The following NKX3-2 variants were observed in gnomAD, a reference collection of about 807,000 sequenced individuals.
NKX3-2 encodes NK3 homeobox 2.
In NKX3-2, 13 loss-of-function variants were observed where a neutral mutation model predicts 19.4. That is an observed-to-expected ratio of 0.67 (90% confidence interval 0.44 to 1.07). The LOEUF (loss-of-function observed/expected upper bound fraction) is 1.07. Ranked by LOEUF, NKX3-2 falls within the 50% of genes least tolerant of loss-of-function variation. The pLI, the probability that NKX3-2 is intolerant of heterozygous loss-of-function variation, is 0.00. For missense variants in NKX3-2, 562 were observed against 488.2 expected (o/e 1.15, Z -1.42); for synonymous variants, 269 against 230.5 (o/e 1.17, Z -1.51).
rs1252500949 is a variant in NKX3-2, at chr4:13,543,188, C to G, written c.467-660G>C. The stretch of plus-strand genomic sequence containing the variant: ...TGATCCCACACCAGCTTCTCGGTCT[C>G]GTACCCGCCCTTCCGAAGAACTCCA... On this transcript the variant is annotated intron_variant, in intron 1 of 1. Transcript: ENST00000382438. The surrounding 1 kb of genome is among the most constrained non-coding windows in gnomAD (Gnocchi z 7.1). Among the ~76,000 whole-genome samples the G allele has an allele frequency of 2.0e-5, 3 of 152,030 alleles. No homozygotes were observed. Among genetic ancestry groups the G allele is most frequent in the Non-Finnish European group, 2.9e-5 (2 of 68,020 alleles).
rs1333022505 is a variant in NKX3-2 at position 13,542,105 on chromosome 4, T to C, written c.890A>G (p.Glu297Gly). ...RDDQRQYLPGEVLRPPSLLPL... is the reference protein window; with the variant it reads ...RDDQRQYLPGGVLRPPSLLPL... ...CAGAAGCGAGGGTGGCCGCAGCACT[T>C]CGCCGGGCAGGTATTGTCTCTGGTC... The change falls in exon 2 of 2, where the codon GAA (glutamate) becomes GGA (glycine). Residue 297 changes from glutamate (E) to glycine (G), a missense_variant. Physicochemically the swap from Glu to Gly is moderately conservative, Grantham distance 98 (BLOSUM62 -2). Transcript: ENST00000382438. This position sits in a 1 kb window ranked among gnomAD's most constrained non-coding sequence, Gnocchi z 6.4. The C allele has an allele frequency of 1.9e-6, 3 of 1,607,612 alleles. No individual in the cohort carries two copies. The highest frequency in any genetic ancestry group is 1.7e-5 in the Admixed American group (1 of 59,756).
At chr4:13,547,015 T>C (rs1225743701), upstream of NKX3-2, 1 of 456,176 alleles carries the variant, frequency 2.2e-6, no homozygotes, top group African/African-American at 2.0e-5. Flanking sequence ...TTACGGCGCT[T>C]AGTCGATCAT....
Position 13,544,151 on chromosome 4 carries a change from C to T in NKX3-2, c.264G>A (p.Pro88=). Reference sequence around the variant, plus strand: ...GCGCGGAGTCCGAGTCCCAGCCTTCCGGGCTCTCCGCAGTCCGCCCCGCAG... The same window carrying T: ...GCGCGGAGTCCGAGTCCCAGCCTTCTGGGCTCTCCGCAGTCCGCCCCGCAG... ...RTAAGRTAES[P]EGWDSDSALS... The change falls in exon 1 of 2, where the codon CCG becomes CCA. Residue 88 remains proline, a synonymous_variant. Transcript: ENST00000382438. The T allele has an allele frequency of 6.2e-7, 1 of 1,605,638 alleles. No individual in the cohort carries two copies. The highest frequency in any genetic ancestry group is 2.2e-5 in the East Asian group (1 of 44,582).
At chr4:13,546,509 G>C (rs558716206), upstream of NKX3-2, 9 of 203,084 alleles carry the variant, frequency 4.4e-5, no homozygotes, top group South Asian at 7.6e-4. Context: ...TTAAATTACC[G>C]TTCTCCTCAC....
At position 13,542,298 on chromosome 4, in the gene NKX3-2, C is replaced by T. The variant is rs776987125; in HGVS notation, c.697G>A (p.Gly233Arg). Residue 233 changes from glycine to arginine, a missense_variant, in exon 2 of 2, where the codon GGG becomes AGG. By Grantham distance (125) the Gly-to-Arg change is moderately radical. Transcript: ENST00000382438. This position sits in a 1 kb window ranked among gnomAD's most constrained non-coding sequence, Gnocchi z 6.4. Reference protein sequence around the residue: ...RRFNHQRYLSGPERADLAASL... With the variant: ...RRFNHQRYLSRPERADLAASL... ...GCGGCCAGGTCTGCGCGCTCGGGCC[C>T]GGACAGGTAGCGCTGGTGGTTAAAG... 6 of 1,606,860 alleles carry T rather than the reference C, an allele frequency of 3.7e-6. No homozygotes were observed. Among genetic ancestry groups the T allele is most frequent in the Non-Finnish European group, 5.1e-6 (6 of 1,177,748 alleles).
In NKX3-2 at chr4:13,542,030, G is replaced by A. The variant is rs1439794000; in HGVS notation, c.965C>T (p.Ala322Val). The change falls in exon 2 of 2, where the codon GCG (alanine) becomes GTG (valine). Residue 322 changes from alanine (A) to valine (V), a missense_variant. Coordinates refer to ENST00000382438, the MANE Select transcript of NKX3-2 (RefSeq NM_001189.4). This position sits in a 1 kb window ranked among gnomAD's most constrained non-coding sequence, Gnocchi z 6.4. Reference sequence around the variant, plus strand: ...TGCGGCAGCTGCGCAGGTGGAGAGCGCCCAGCCTGGGAGGCAGTAGTACGG... The same window carrying A: ...TGCGGCAGCTGCGCAGGTGGAGAGCACCCAGCCTGGGAGGCAGTAGTACGG... The part of the protein sequence containing the change: ...YYPYYCLPGW[A>V]LSTCAAAAGT... 1.3e-6 allele frequency: 2 copies of A among 1,598,340 alleles called. No homozygotes were observed. Among genetic ancestry groups the A allele is most frequent in the Non-Finnish European group, 1.7e-6 (2 of 1,173,004 alleles).
upstream of NKX3-2, chr4:13,547,004 A>C (rs1245169921): frequency 6.6e-6 from 3 of 456,164 alleles, no homozygotes; most frequent in Non-Finnish European, 1.3e-5. Flanking sequence ...ATCTCGGGCC[A>C]TTACGGCGCT....
chr4:13,545,328 A>C (rs1044103758), upstream of NKX3-2, among the ~76,000 whole-genome samples: 8 of 152,210 alleles, frequency 5.3e-5, no homozygotes, highest in African/African-American at 1.7e-4. Context: ...CCAGCGCTTT[A>C]ACAGAACACT....
Position 13,541,669 on chromosome 4 carries a change from C to T in NKX3-2, c.*324G>A. On this transcript the variant is annotated 3_prime_UTR_variant, in exon 2 of 2. Coordinates refer to ENST00000382438, the MANE Select transcript of NKX3-2 (RefSeq NM_001189.4). ...CAGGAGTTGCCGCTCAGGGAAAACC[C>T]CACCCCCAGGCAGACATATTCGAAT... The T allele has an allele frequency of 6.5e-6, 2 of 309,116 alleles. No individual in the cohort carries two copies. The highest frequency in any genetic ancestry group is 1.2e-5 in the Non-Finnish European group (2 of 166,870). The allele number at this position is 309,116 out of a possible 1,614,324, so 19.1% of individuals were successfully genotyped here.
chr4:13,542,029 C>G lies in NKX3-2; in HGVS notation c.966G>C (p.Ala322=). The G allele has an allele frequency of 6.3e-7, 1 of 1,597,580 alleles. No homozygotes were observed. Among genetic ancestry groups the G allele is most frequent in the Non-Finnish European group, 8.5e-7 (1 of 1,172,652 alleles). The change falls in exon 2 of 2, where the codon GCG becomes GCC. Residue 322 remains alanine, a synonymous_variant. Coordinates refer to ENST00000382438, the MANE Select transcript of NKX3-2 (RefSeq NM_001189.4). The surrounding 1 kb of genome is among the most constrained non-coding windows in gnomAD (Gnocchi z 6.4). ...YYPYYCLPGW[A]LSTCAAAAGT... ...CTGCGGCAGCTGCGCAGGTGGAGAG[C>G]GCCCAGCCTGGGAGGCAGTAGTACG...
chr4:13,547,464 G>A (rs960801640), upstream of NKX3-2: 2 of 289,156 alleles, frequency 6.9e-6, no homozygotes, highest in African/African-American at 4.7e-5. Context: ...GAGAGGCACC[G>A]GGCTCGCTCA....
upstream of NKX3-2, chr4:13,547,292 G>A (rs1435977681): frequency 2.2e-6 from 1 of 453,094 alleles, no homozygotes; most frequent in South Asian, 1.6e-5. Context: ...CCGCGCGGGC[G>A]TGCCTGGGTC....
At position 13,543,970 on chromosome 4, in the gene NKX3-2, C is replaced by T; in HGVS notation, c.445G>A (p.Glu149Lys). The T allele has an allele frequency of 1.3e-6, 2 of 1,553,282 alleles. 1 individual carries two copies. Among genetic ancestry groups the T allele is most frequent in the South Asian group, 2.4e-5 (2 of 83,368 alleles). ...EEEAAGRSDSEMSASVSGDRS... is the reference protein window; with the variant it reads ...EEEAAGRSDSKMSASVSGDRS... Reference sequence around the variant, plus strand: ...AGACCTGAGACGCTGGCGGACATCTCGCTGTCGCTCCGGCCCGCGGCTTCC... The same window carrying T: ...AGACCTGAGACGCTGGCGGACATCTTGCTGTCGCTCCGGCCCGCGGCTTCC... The change falls in exon 1 of 2, where the codon GAG (glutamate) becomes AAG (lysine). Residue 149 changes from glutamate to lysine, a missense_variant. By Grantham distance (56) the Glu-to-Lys change is moderately conservative (BLOSUM62 1). Transcript: ENST00000382438. The surrounding 1 kb of genome is among the most constrained non-coding windows in gnomAD (Gnocchi z 7.1).
chr4:13,543,843 G>T lies in NKX3-2; in HGVS notation c.466+106C>A. The T allele has an allele frequency of 1.9e-6, 2 of 1,074,138 alleles. No individual in the cohort carries two copies. Among genetic ancestry groups the T allele is most frequent in the Non-Finnish European group, 2.5e-6 (2 of 784,362 alleles). 66.5% of individuals were successfully genotyped at this position (1,074,138 alleles called of 1,614,324 possible). A position where few individuals can be genotyped will look rare whatever the true frequency, so the allele number is the denominator to read the frequency against. On this transcript the variant is annotated intron_variant, in intron 1 of 1. Coordinates refer to ENST00000382438, the MANE Select transcript of NKX3-2 (RefSeq NM_001189.4). This position sits in a 1 kb window ranked among gnomAD's most constrained non-coding sequence, Gnocchi z 7.1. ...GAACTTCGGGATTTGGCCAGCCTCC[G>T]AGCCCCAGGGCGCAGGGTGCTCAAG...
In NKX3-2 at chr4:13,540,877, A is replaced by G. The variant is rs1382405932; in HGVS notation, c.*1116T>C. 6.6e-6 allele frequency: 1 copy of G among 152,262 alleles called. No individual in the cohort carries two copies. Among genetic ancestry groups the G allele is most frequent in the African/African-American group, 2.4e-5 (1 of 41,466 alleles). 9.4% of individuals were successfully genotyped at this position (152,262 alleles called of 1,614,324 possible). A position where few individuals can be genotyped will look rare whatever the true frequency, so the allele number is the denominator to read the frequency against. On this transcript the variant is annotated 3_prime_UTR_variant, in exon 2 of 2. Transcript: ENST00000382438. ...AAATTAAAGAAAAAATACAGCGAAT[A>G]GAGCTTCCAAACTTCACAAATCTTT...
chr4:13,544,692 C>G (rs1361749388), upstream of NKX3-2: 2 of 239,148 alleles, frequency 8.4e-6, no homozygotes, highest in Admixed American at 5.7e-5. Context: ...ATTATCTCAT[C>G]GCTTCTCGCC....
At chr4:13,545,825 T>C (rs1349706522), upstream of NKX3-2, among the ~76,000 whole-genome samples, 3 of 152,222 alleles carry the variant, frequency 2.0e-5, no homozygotes, top group African/African-American at 7.2e-5. Flanking sequence ...TGCTTAGAAG[T>C]ATACCTAGGA....
upstream of NKX3-2, chr4:13,546,494 A>C (rs1020460687): frequency 2.0e-4 from 40 of 201,024 alleles, no homozygotes; most frequent in African/African-American, 8.8e-4. Flanking sequence ...CCCCCGCTGT[A>C]TTATTTAAAT....
rs1364218314 is a variant in NKX3-2 at position 13,541,421 on chromosome 4, G to A, written c.*572C>T. On this transcript the variant is annotated 3_prime_UTR_variant, in exon 2 of 2. Transcript: ENST00000382438. ...TCTGACACACAGGAGGGGTGGAGCA[G>A]AGGGCCTGAAAACCCAATCCTTCAC... The A allele has an allele frequency of 6.6e-6, 1 of 152,342 alleles. No individual in the cohort carries two copies. Among genetic ancestry groups the A allele is most frequent in the Non-Finnish European group, 1.5e-5 (1 of 68,146 alleles). The allele number at this position is 152,342 out of a possible 1,614,324, so 9.4% of individuals were successfully genotyped here.
Sources: allele counts gnomAD v4.1 joint callset (sites outside exome capture counted in the v4.1 genomes callset), GRCh38; gene constraint gnomAD v4.1.1; non-coding constraint Gnocchi (gnomAD v3.1); transcripts MANE v1.5; gene names NCBI Gene and HGNC (gene_info 2026-07-23, HGNC 2026-07-21).